Variants in ATP8A2 observed in about 807,000 individuals in gnomAD.
The protein encoded by ATP8A2 is phospholipid-transporting ATPase IB.
ATP8A2 carries 100 observed loss-of-function variants against 165.6 expected under a neutral mutation model. The ratio of observed to expected loss-of-function variants is 0.60; its 90% confidence interval spans 0.51 to 0.71. The LOEUF is 0.71. ATP8A2 is among the 30% of genes least tolerant of loss of function. ATP8A2 has a pLI of 0.00. For missense variants in ATP8A2, 1,227 were observed against 1,479.5 expected (o/e 0.83, Z 2.80); for synonymous variants, 543 against 548.8 (o/e 0.99, Z 0.15).
In ATP8A2 at chr13:25,939,268, G is replaced by A. The variant is rs140063782; in HGVS notation, c.3184-22307G>A. Among the ~76,000 whole-genome samples, 25 of 152,278 alleles carry A rather than the reference G, an allele frequency of 1.6e-4. No homozygotes were observed. The East Asian group carries it at 3.5e-3, about 21-fold the overall frequency. On this transcript the variant is annotated intron_variant, in intron 33 of 36. Coordinates refer to ENST00000381655, the MANE Select transcript of ATP8A2 (RefSeq NM_016529.6). Reference sequence around the variant, plus strand: ...CATACCCCTTTGTCTTGGAGGGCTCGTTCCAGGTGCTAAGAGGCAGTGCTT... The same window carrying A: ...CATACCCCTTTGTCTTGGAGGGCTCATTCCAGGTGCTAAGAGGCAGTGCTT...
intron 13 of ATP8A2, among the ~76,000 whole-genome samples, chr13:25,555,520 CT>C (rs939107485): frequency 1.3e-5 from 2 of 152,192 alleles, no homozygotes; most frequent in Admixed American, 6.5e-5. Flanking sequence ...ACCTTTACCC[CT>C]GAACTCCTCT....
At chr13:26,004,589 C>T (rs1593702201) in intron 35 of ATP8A2, among the ~76,000 whole-genome samples, 1 of 152,054 alleles carries the variant, frequency 6.6e-6, no homozygotes, top group South Asian at 2.1e-4. Context: ...TTGTTTCTAA[C>T]CTTAGAGGAA....
intron 25 of ATP8A2, among the ~76,000 whole-genome samples, chr13:25,746,712 C>G (rs943897827): frequency 6.6e-6 from 1 of 152,168 alleles, no homozygotes; most frequent in African/African-American, 2.4e-5. Flanking sequence ...AATAACAATG[C>G]CTCGTCTCAA....
At chr13:25,900,349 A>G (rs1468010690) in intron 33 of ATP8A2, among the ~76,000 whole-genome samples, 2 of 152,202 alleles carry the variant, frequency 1.3e-5, no homozygotes, top group Admixed American at 1.3e-4. Context: ...GAAAAGGTGC[A>G]GTGGAGGACA....
chr13:25,635,089 A>G (rs2041336972), intron 24 of ATP8A2, among the ~76,000 whole-genome samples: 1 of 152,168 alleles, frequency 6.6e-6, no homozygotes, highest in African/African-American at 2.4e-5. Context: ...TTAGGATTGT[A>G]TTGTGTGTCA....
intron 24 of ATP8A2, among the ~76,000 whole-genome samples, chr13:25,620,292 G>A (rs967680593): frequency 6.6e-6 from 1 of 152,012 alleles, no homozygotes; most frequent in Non-Finnish European, 1.5e-5. Flanking sequence ...AGCAACAGAG[G>A]GACCAGAACA....
chr13:25,810,442 A>C (rs17082775), intron 27 of ATP8A2, among the ~76,000 whole-genome samples: 1 of 152,024 alleles, frequency 6.6e-6, no homozygotes, highest in African/African-American at 2.4e-5. Flanking sequence ...TTGGGATGAA[A>C]AAAGCAAATA....
intron 27 of ATP8A2, among the ~76,000 whole-genome samples, chr13:25,803,404 A>G (rs575697400): frequency 8.9e-4 from 135 of 152,330 alleles, no homozygotes; most frequent in African/African-American, 3.2e-3. Context: ...AGTTAAATCT[A>G]CAACATAGTA....
rs150676907 is a variant in ATP8A2 at position 25,594,333 on chromosome 13, T to C, written c.2211+4634T>C. On this transcript the variant is annotated intron_variant, in intron 24 of 36. Transcript: ENST00000381655. ...ATTTGGTTTTCCTGCTGCAATAATA[T>C]AGAGAACGCAGTGTAGCAATAATTA... Among the ~76,000 whole-genome samples the C allele has an allele frequency of 1.5e-4, 23 of 152,332 alleles. No individual in the cohort carries two copies. In the East Asian group the frequency reaches 3.5e-3, roughly 23 times the overall value.
chr13:25,637,248 T>A (rs1275119777), intron 24 of ATP8A2, among the ~76,000 whole-genome samples: 1 of 152,062 alleles, frequency 6.6e-6, no homozygotes, highest in East Asian at 1.9e-4. Context: ...CTGGGGCTAG[T>A]TGGACAGTAG....
At chr13:25,548,388 A>T (rs1266458703) in intron 10 of ATP8A2, among the ~76,000 whole-genome samples, 1 of 152,352 alleles carries the variant, frequency 6.6e-6, no homozygotes, top group South Asian at 2.1e-4. Context: ...TAGATGAAAG[A>T]TAAAGTTTTC....
rs141099283 is a variant in ATP8A2 at position 25,693,246 on chromosome 13, A to G, written c.2212-5927A>G. On this transcript the variant is annotated intron_variant, in intron 24 of 36. Coordinates refer to ENST00000381655, the MANE Select transcript of ATP8A2 (RefSeq NM_016529.6). ...CAAATAGACTCTTGAATCATAGTCC[A>G]TTTGAGAATAAGGAACTGTTTGTGA... Among the ~76,000 whole-genome samples, 9 of 152,330 alleles carry G rather than the reference A, an allele frequency of 5.9e-5. No homozygotes were observed. The East Asian group carries it at 1.7e-3, about 29-fold the overall frequency.
At chr13:25,816,320 G>A (rs1317786513) in intron 27 of ATP8A2, among the ~76,000 whole-genome samples, 1 of 152,122 alleles carries the variant, frequency 6.6e-6, no homozygotes, top group Non-Finnish European at 1.5e-5. Flanking sequence ...TGTCCTTCAC[G>A]GTCTGAATCC....
At chr13:25,661,143 G>A (rs1406123663) in intron 24 of ATP8A2, among the ~76,000 whole-genome samples, 3 of 152,132 alleles carry the variant, frequency 2.0e-5, no homozygotes, top group Non-Finnish European at 4.4e-5. Flanking sequence ...TGGAATGCAG[G>A]TTCCTTGAAG....
chr13:25,701,280 G>C (rs1395081394), intron 25 of ATP8A2, among the ~76,000 whole-genome samples: 7 of 152,050 alleles, frequency 4.6e-5, no homozygotes, highest in Non-Finnish European at 7.4e-5. Flanking sequence ...TTCTTTCCTG[G>C]GTTCTATTTG....
chr13:25,673,112 G>A lies in ATP8A2; in HGVS notation c.2212-26061G>A, dbSNP rs74042136. ...TAAAAATCACAGGACTCCCAGGCTA[G>A]CATTAATTCTCCATTCAACCCTGCC... On this transcript the variant is annotated intron_variant, in intron 24 of 36. Coordinates refer to ENST00000381655, the MANE Select transcript of ATP8A2 (RefSeq NM_016529.6). Among the ~76,000 whole-genome samples the A allele has an allele frequency of 7.8e-3, 1,186 of 152,276 alleles. 17 individuals are homozygous for A. The highest frequency in any genetic ancestry group is 0.027 in the African/African-American group (1,121 of 41,554).
intron 7 of ATP8A2, among the ~76,000 whole-genome samples, chr13:25,539,720 C>T (rs1384686225): frequency 6.6e-6 from 1 of 152,118 alleles, no homozygotes; most frequent in Non-Finnish European, 1.5e-5. Context: ...ACTGTGTGAA[C>T]CTAGCTAAAC....
At chr13:25,823,333 T>C (rs1309491510) in intron 27 of ATP8A2, among the ~76,000 whole-genome samples, 1 of 152,232 alleles carries the variant, frequency 6.6e-6, no homozygotes, top group Non-Finnish European at 1.5e-5. Flanking sequence ...TGATCTTCTT[T>C]GAATAGTGTC....
chr13:25,465,698 T>C (rs572373685), intron 1 of ATP8A2, among the ~76,000 whole-genome samples: 1 of 19,526 alleles, frequency 5.1e-5, no homozygotes, highest in African/African-American at 1.4e-4. Context: ...TTTCTTTCTT[T>C]CTTTCTTTCT....
Sources: allele counts gnomAD v4.1 joint callset (sites outside exome capture counted in the v4.1 genomes callset), GRCh38; gene constraint gnomAD v4.1.1; transcripts MANE v1.5; gene names NCBI Gene and HGNC (gene_info 2026-07-23, HGNC 2026-07-21).